Variants in DSCAML1 observed in about 807,000 individuals in gnomAD.
DSCAML1 encodes the protein DS cell adhesion molecule like 1.
A neutral mutation model predicts 200.5 loss-of-function variants in DSCAML1; 38 were observed. That is an observed-to-expected ratio of 0.19 (90% CI 0.15 to 0.25). DSCAML1 has a LOEUF of 0.25. DSCAML1 is among the 10% of genes least tolerant of loss of function. The pLI is 1.00. For synonymous variants in DSCAML1, 1,215 were observed against 1,165.0 expected, an observed-to-expected ratio of 1.04 and a Z score of -0.87; for missense variants, 2,223 against 2,858.8, an observed-to-expected ratio of 0.78 and a Z score of 5.07.
chr11:117,688,001 C>T (rs906208587), intron 3 of DSCAML1, among the ~76,000 whole-genome samples: 2 of 152,188 alleles, frequency 1.3e-5, no homozygotes, highest in African/African-American at 4.8e-5. Flanking sequence ...CCAGGACAAG[C>T]ATGGCCAAGC....
chr11:117,659,750 G>A (rs1231655468), intron 3 of DSCAML1, among the ~76,000 whole-genome samples: 2 of 150,970 alleles, frequency 1.3e-5, no homozygotes, highest in South Asian at 2.1e-4. Flanking sequence ...ATGGAGTCTC[G>A]CTCTGTCGCC....
At chr11:117,732,786 AATTATT>A (rs908063959) in intron 3 of DSCAML1, among the ~76,000 whole-genome samples, 35 of 152,200 alleles carry the variant, frequency 2.3e-4, no homozygotes, top group African/African-American at 8.2e-4. Flanking sequence ...AAAAGCCAGG[AATTATT>A]ATTATTATCA....
intron 3 of DSCAML1, among the ~76,000 whole-genome samples, chr11:117,533,059 G>C (rs1724032752): frequency 6.6e-6 from 1 of 152,100 alleles, no homozygotes; most frequent in African/African-American, 2.4e-5. Flanking sequence ...AGGATTGCCT[G>C]AGCCCAGGAG....
intron 3 of DSCAML1, among the ~76,000 whole-genome samples, chr11:117,575,016 C>A (rs2050907502): frequency 6.6e-6 from 1 of 152,128 alleles, no homozygotes; most frequent in Non-Finnish European, 1.5e-5. Context: ...CATGGTGAAA[C>A]CCCGTCTCTA....
chr11:117,516,663 G>A lies in DSCAML1; in HGVS notation c.1587C>T (p.Ile529=), dbSNP rs1427398045. The stretch of plus-strand genomic sequence containing the variant: ...ACTTGATGGAGTAGTAGGGATAGCC[G>A]ATGACCCTGCAGTTGATAAGGGTGT... ...GRDTLINCRV[I]GYPYYSIKWY... Residue 529 remains isoleucine (I), a synonymous_variant, in exon 8 of 33, where the codon ATC becomes ATT. Coordinates refer to ENST00000651296, the MANE Select transcript of DSCAML1 (RefSeq NM_020693.4). This position sits in a 1 kb window ranked among gnomAD's most constrained non-coding sequence, Gnocchi z 5.7. 1.9e-6 allele frequency: 3 copies of A among 1,614,034 alleles called. No individual in the cohort carries two copies. Among genetic ancestry groups the A allele is most frequent in the East Asian group, 2.2e-5 (1 of 44,868 alleles).
chr11:117,803,070 G>T (rs551774395), intron 1 of DSCAML1, among the ~76,000 whole-genome samples: 1 of 151,456 alleles, frequency 6.6e-6, no homozygotes, highest in Admixed American at 6.6e-5. Flanking sequence ...ATTTTGGGGG[G>T]ATCTGACTCT....
chr11:117,546,843 G>T (rs2050381669), intron 3 of DSCAML1, among the ~76,000 whole-genome samples: 1 of 152,080 alleles, frequency 6.6e-6, no homozygotes, highest in South Asian at 2.1e-4. Context: ...ATTGCAACAA[G>T]ATTTTATTTC....
intron 3 of DSCAML1, among the ~76,000 whole-genome samples, chr11:117,585,315 T>C (rs891439343): frequency 3.9e-5 from 6 of 152,074 alleles, no homozygotes; most frequent in Non-Finnish European, 8.8e-5. Flanking sequence ...AGTGGCATGA[T>C]CTCAGCTCAC....
intron 19 of DSCAML1, among the ~76,000 whole-genome samples, chr11:117,455,463 G>A (rs905727825): frequency 3.9e-5 from 6 of 152,188 alleles, no homozygotes; most frequent in Non-Finnish European, 8.8e-5. Flanking sequence ...AGCTTTGCAT[G>A]TGGAGGTCAT....
chr11:117,681,288 C>T (rs1203104882), intron 3 of DSCAML1, among the ~76,000 whole-genome samples: 4 of 152,224 alleles, frequency 2.6e-5, no homozygotes, highest in Non-Finnish European at 5.9e-5. Flanking sequence ...CCTGAACCCT[C>T]TTTAGAAATG....
At chr11:117,797,800 G>C (rs2055612658), upstream of DSCAML1, among the ~76,000 whole-genome samples, 1 of 152,182 alleles carries the variant, frequency 6.6e-6, no homozygotes. Flanking sequence ...GGCACATTGT[G>C]ACTATTTAAA....
At chr11:117,452,707 T>TTTAA (rs58368446) in intron 19 of DSCAML1, among the ~76,000 whole-genome samples, 3,006 of 152,292 alleles carry the variant, frequency 0.02, 101 homozygotes, top group African/African-American at 0.067. Context: ...TTGTGGCTTC[T>TTTAA]TTAATTAAGT....
At chr11:117,788,321 T>TG (rs1472652375) in intron 1 of DSCAML1, among the ~76,000 whole-genome samples, 1 of 152,094 alleles carries the variant, frequency 6.6e-6, no homozygotes, top group East Asian at 1.9e-4. Context: ...TTGTTTTTGT[T>TG]TTTGTTGTTG....
In DSCAML1 at chr11:117,505,792, G is replaced by A. The variant is rs900909667; in HGVS notation, c.1784-60C>T. On this transcript the variant is annotated intron_variant, in intron 8 of 32. Transcript: ENST00000651296. This position sits in a 1 kb window ranked among gnomAD's most constrained non-coding sequence, Gnocchi z 6.7. ...TGTGCATTCTCACCTGGCCGCCAAC[G>A]CCGCCTCACCTGCCTTACCTGGGGC... 13 of 1,547,910 alleles carry A rather than the reference G, an allele frequency of 8.4e-6. No homozygotes were observed. Among genetic ancestry groups the A allele is most frequent in the South Asian group, 7.3e-5 (6 of 82,452 alleles).
At chr11:117,742,125 T>C (rs1367487366) in intron 3 of DSCAML1, among the ~76,000 whole-genome samples, 2 of 152,146 alleles carry the variant, frequency 1.3e-5, no homozygotes, top group South Asian at 2.1e-4. Context: ...GACTCACCTA[T>C]AGAAACTGGG....
At chr11:117,614,907 C>T (rs973637727) in intron 3 of DSCAML1, among the ~76,000 whole-genome samples, 5 of 152,214 alleles carry the variant, frequency 3.3e-5, no homozygotes, top group Admixed American at 3.3e-4. Context: ...CTGCAGGCAG[C>T]CTGACCTGAG....
intron 3 of DSCAML1, among the ~76,000 whole-genome samples, chr11:117,722,397 G>A (rs1218276276): frequency 2.0e-5 from 3 of 152,146 alleles, no homozygotes; most frequent in Non-Finnish European, 2.9e-5. Flanking sequence ...GGGGAGCCAG[G>A]GAGAGGTTGA....
In DSCAML1 at chr11:117,566,552, G is replaced by GT. The variant is rs1565793422; in HGVS notation, c.512-34031_512-34030insA. ...TTTGTAGTGATGTGATTTTTGCCTT[G>GT]GTTTTTTTTTTGTTTGTTTTATTTA... On this transcript the variant is annotated intron_variant, in intron 3 of 32. Transcript: ENST00000651296. Among the ~76,000 whole-genome samples, 488 of 88,182 alleles carry GT rather than the reference G, an allele frequency of 5.5e-3. 5 individuals carry two copies. Among genetic ancestry groups the GT allele is most frequent in the Non-Finnish European group, 8.9e-3 (339 of 38,020 alleles). 57.9% of individuals were successfully genotyped at this position (88,182 alleles called of 152,430 possible). A position where few individuals can be genotyped will look rare whatever the true frequency, so the allele number is the denominator to read the frequency against.
intron 3 of DSCAML1, among the ~76,000 whole-genome samples, chr11:117,709,168 G>GTT (rs1462414583): frequency 1.3e-5 from 2 of 152,228 alleles, no homozygotes; most frequent in Non-Finnish European, 2.9e-5. Flanking sequence ...GTGTGACCCT[G>GTT]TTGGCCATTA....
Sources: gnomAD v4.1 joint callset for allele counts (sites outside exome capture counted in the v4.1 genomes callset) on GRCh38, gnomAD v4.1.1 for gene constraint, Gnocchi (gnomAD v3.1) non-coding constraint, MANE v1.5 for transcripts, NCBI Gene and HGNC (gene_info 2026-07-23, HGNC 2026-07-21) for gene names.